GDAP1: variants seen among roughly 807,000 people sequenced by gnomAD.
The protein encoded by GDAP1 is ganglioside induced differentiation associated protein 1, also known as ganglioside-induced differentiation-associated protein 1.
A neutral mutation model predicts 40.1 loss-of-function variants in GDAP1; 34 were observed. That is an observed-to-expected ratio of 0.85 (90% confidence interval 0.64 to 1.13). GDAP1 has a LOEUF of 1.13. Ranked by LOEUF, GDAP1 falls within the 50% of genes most tolerant of loss-of-function variation. GDAP1 has a pLI of 0.00. For missense variants in GDAP1, 374 were observed against 433.7 expected (o/e 0.86, Z 1.22); for synonymous variants, 170 against 157.4 (o/e 1.08, Z -0.60).
Position 74,414,273 on chromosome 8 carries a change from A to C in GDAP1, c.165+62952A>C, listed in dbSNP as rs1011909688. 4.7e-5 allele frequency among the ~76,000 whole-genome samples: 7 copies of C among 150,372 alleles called. No individual in the cohort carries two copies. In the South Asian group the frequency reaches 1.2e-3, roughly 27 times the overall value. On this transcript the variant is annotated intron_variant, in intron 2 of 2. Coordinates refer to the GDAP1 transcript ENST00000523640. ...GTAATCCAAATTACTTGGCATATGAAGCATCAAGAAATCACATGGGAAAAT... is the reference window on the plus strand; with the variant it reads ...GTAATCCAAATTACTTGGCATATGACGCATCAAGAAATCACATGGGAAAAT...
rs1400942958 is a variant in GDAP1, at chr8:74,363,972, T to C, written c.695-13T>C. 1.2e-6 allele frequency: 2 copies of C among 1,613,102 alleles called. No individual in the cohort carries two copies. Among genetic ancestry groups the C allele is most frequent in the African/African-American group, 1.3e-5 (1 of 74,900 alleles). On this transcript the variant is annotated splice_polypyrimidine_tract_variant and intron_variant, in intron 5 of 5. Coordinates refer to ENST00000220822, the MANE Select transcript of GDAP1 (RefSeq NM_018972.4). ...GCTTGCCTCTAATTCTCTATGTCCC[T>C]TTCTCTAATTAGAAGAGGGCCAGCA...
At chr8:74,465,208 G>A (rs955069653) in intron 2 of GDAP1, among the ~76,000 whole-genome samples, 4 of 151,950 alleles carry the variant, frequency 2.6e-5, no homozygotes, top group Non-Finnish European at 5.9e-5. Flanking sequence ...GTGACAGAGC[G>A]AGACTCCTCT....
rs1586807209 is a variant in GDAP1, at chr8:74,364,030, C to T, written c.740C>T (p.Ala247Val). Residue 247 changes from alanine to valine, a missense_variant, in exon 6 of 6, where the codon GCA becomes GTA. Coordinates refer to ENST00000220822, the MANE Select transcript of GDAP1 (RefSeq NM_018972.4). ...PWLCGESFTL[A>V]DVSLAVTLHR... ...CTCTGCGGTGAATCCTTCACCCTGG[C>T]AGACGTCTCACTCGCTGTCACATTG... is the stretch of plus-strand genomic sequence containing the variant. 4.3e-6 allele frequency: 7 copies of T among 1,613,868 alleles called. No homozygotes were observed. The East Asian group carries it at 1.3e-4, about 31-fold the overall frequency.
intron 2 of GDAP1, among the ~76,000 whole-genome samples, chr8:74,445,329 A>G (rs1484098201): frequency 2.0e-5 from 3 of 152,230 alleles, no homozygotes; most frequent in Non-Finnish European, 1.5e-5. Context: ...ATTGAGATCC[A>G]TAAATAAATT....
rs1415976636 is a variant in GDAP1 at position 74,366,075 on chromosome 8, G to A, written c.*1708G>A. On this transcript the variant is annotated 3_prime_UTR_variant, in exon 6 of 6. Coordinates refer to ENST00000220822, the MANE Select transcript of GDAP1 (RefSeq NM_018972.4). Reference sequence around the variant, plus strand: ...CTGAAGGATATTTACCTATGAAAAAGTTGTTAAGAATAAAAATTAGAAGTC... The same window carrying A: ...CTGAAGGATATTTACCTATGAAAAAATTGTTAAGAATAAAAATTAGAAGTC... 1 of 439,342 alleles carries A rather than the reference G, an allele frequency of 2.3e-6. No homozygotes were observed. The highest frequency in any genetic ancestry group is 2.6e-5 in the Admixed American group (1 of 38,894). The allele number at this position is 439,342 out of a possible 1,614,324, so 27.2% of individuals were successfully genotyped here.
intron 5 of GDAP1, among the ~76,000 whole-genome samples, 163 bp from the exon 6 acceptor site, chr8:74,363,822 A>C (rs1809487211): frequency 6.6e-6 from 1 of 152,114 alleles, no homozygotes; most frequent in African/African-American, 2.4e-5. Flanking sequence ...TTTTTAAAGC[A>C]TGAAATTATT....
At chr8:74,379,051 G>A (rs962440882) in intron 2 of GDAP1, among the ~76,000 whole-genome samples, 4 of 152,194 alleles carry the variant, frequency 2.6e-5, no homozygotes, top group Non-Finnish European at 5.9e-5. Flanking sequence ...GACTCTTACA[G>A]GGAGGGTTTT....
chr8:74,361,834 T>C (rs370033386), intron 3 of GDAP1, 50 bp from the exon 4 acceptor site: 13 of 979,204 alleles, frequency 1.3e-5, no homozygotes, highest in African/African-American at 7.9e-5. Flanking sequence ...TTGTTACTGG[T>C]GTAGAAGGGA....
chr8:74,436,795 C>G (rs935073107), intron 2 of GDAP1, among the ~76,000 whole-genome samples: 6 of 152,102 alleles, frequency 3.9e-5, no homozygotes, highest in Admixed American at 3.9e-4. Context: ...CCCTTTACCC[C>G]CCATAAGCCA....
Position 74,412,917 on chromosome 8 carries a change from T to A in GDAP1, c.165+61596T>A, listed in dbSNP as rs538067699. On this transcript the variant is annotated intron_variant, in intron 2 of 2. Transcript: ENST00000523640. Reference sequence around the variant, plus strand: ...ACTAAAAATACAAAAAAAAAAAAAATTTAGCTGGGCGTGGTGGCACGTGCC... The same window carrying A: ...ACTAAAAATACAAAAAAAAAAAAAAATTAGCTGGGCGTGGTGGCACGTGCC... Among the ~76,000 whole-genome samples, 4 of 142,382 alleles carry A rather than the reference T, an allele frequency of 2.8e-5. 1 individual carries two copies. Among genetic ancestry groups the A allele is most frequent in the African/African-American group, 8.2e-5 (3 of 36,374 alleles). 93.4% of individuals were successfully genotyped at this position (142,382 alleles called of 152,430 possible).
At position 74,423,541 on chromosome 8, in the gene GDAP1, C is replaced by T. The variant is rs73331333; in HGVS notation, c.166-65137C>T. Among the ~76,000 whole-genome samples, 1,081 of 151,474 alleles carry T rather than the reference C, an allele frequency of 7.1e-3. 16 individuals carry two copies. Among genetic ancestry groups the T allele is most frequent in the African/African-American group, 0.025 (1,037 of 41,378 alleles). On this transcript the variant is annotated intron_variant, in intron 2 of 2. Transcript: ENST00000523640. ...GTCATTAGTGATGACAGATCTAATT[C>T]TCAATTTTTCCAATCCTTCCCATTT... is the stretch of plus-strand genomic sequence containing the variant.
chr8:74,428,454 T>A (rs1450335608), intron 2 of GDAP1, among the ~76,000 whole-genome samples: 1 of 151,482 alleles, frequency 6.6e-6, no homozygotes, highest in Non-Finnish European at 1.5e-5. Context: ...CTCAGAAGTT[T>A]TTCTTGATTG....
In GDAP1 at chr8:74,366,693, C is replaced by A. The variant is rs933139706; in HGVS notation, c.*2326C>A. The A allele has an allele frequency of 2.2e-6, 1 of 452,302 alleles. No individual in the cohort carries two copies. Among genetic ancestry groups the A allele is most frequent in the African/African-American group, 2.0e-5 (1 of 49,878 alleles). 28.0% of individuals were successfully genotyped at this position (452,302 alleles called of 1,614,324 possible). A position where few individuals can be genotyped will look rare whatever the true frequency, so the allele number is the denominator to read the frequency against. On this transcript the variant is annotated 3_prime_UTR_variant, in exon 6 of 6. Transcript: ENST00000220822. Reference sequence around the variant, plus strand: ...AATACTATTGTTATTGCAGCAGATGCCTTTTGAATCCATTTTCCATAATTG... The same window carrying A: ...AATACTATTGTTATTGCAGCAGATGACTTTTGAATCCATTTTCCATAATTG...
chr8:74,392,852 G>A (rs193244297), intron 2 of GDAP1, among the ~76,000 whole-genome samples: 26 of 152,316 alleles, frequency 1.7e-4, no homozygotes, highest in African/African-American at 4.1e-4. Context: ...AGAAGGAGCC[G>A]TGTATGGAAG....
At chr8:74,370,523 T>TA (rs1448762522), downstream of GDAP1, among the ~76,000 whole-genome samples, 1 of 151,998 alleles carries the variant, frequency 6.6e-6, no homozygotes, top group Non-Finnish European at 1.5e-5. Flanking sequence ...CACTAAAATT[T>TA]AAAAAATCCC....
At chr8:74,375,181 G>C (rs1452633031) in intron 2 of GDAP1, among the ~76,000 whole-genome samples, 1 of 152,082 alleles carries the variant, frequency 6.6e-6, no homozygotes, top group Non-Finnish European at 1.5e-5. Context: ...ACAAAAATTA[G>C]CCAGGCATGG....
At chr8:74,374,576 A>G (rs1259702850) in intron 2 of GDAP1, among the ~76,000 whole-genome samples, 1 of 152,246 alleles carries the variant, frequency 6.6e-6, no homozygotes, top group African/African-American at 2.4e-5. Context: ...CCTTGGAAAG[A>G]CTAACAAAAT....
chr8:74,418,171 A>C (rs949755503), intron 2 of GDAP1, among the ~76,000 whole-genome samples: 1 of 152,202 alleles, frequency 6.6e-6, no homozygotes, highest in African/African-American at 2.4e-5. Flanking sequence ...GTTTTTGTAG[A>C]TATAGATAAG....
chr8:74,435,249 C>T (rs1193118216), intron 2 of GDAP1, among the ~76,000 whole-genome samples: 1 of 152,062 alleles, frequency 6.6e-6, no homozygotes, highest in Non-Finnish European at 1.5e-5. Flanking sequence ...GAGCTTACAC[C>T]TTAAAGCAGG....
Sources: gnomAD v4.1 joint callset for allele counts (sites outside exome capture counted in the v4.1 genomes callset) on GRCh38, gnomAD v4.1.1 for gene constraint, MANE v1.5 for transcripts, NCBI Gene and HGNC (gene_info 2026-07-23, HGNC 2026-07-21) for gene names.